Variants in LDLRAD4 observed in about 807,000 individuals in gnomAD.
The protein encoded by LDLRAD4 is low density lipoprotein receptor class A domain containing 4.
A neutral mutation model predicts 17.0 loss-of-function variants in LDLRAD4; 5 were observed. The observed-to-expected ratio is 0.29, with a 90% confidence interval of 0.15 to 0.62. The LOEUF is 0.62. Among genes scored for constraint, LDLRAD4 ranks in the 20% least tolerant of loss-of-function variants. The pLI is 0.84. For missense variants in LDLRAD4, 340 were observed against 424.7 expected (o/e 0.80, Z 1.75); for synonymous variants, 168 against 171.8 (o/e 0.98, Z 0.17).
Position 13,625,806 on chromosome 18 carries a change from CGCCCTCCTCCCCCCGCCAGA to C in LDLRAD4, c.336+4550_336+4569del, listed in dbSNP as rs773002898. On this transcript the variant is annotated intron_variant, in intron 4 of 5. Coordinates refer to ENST00000359446, the Ensembl canonical transcript of LDLRAD4. ...CCAGCACCCTCCTCCCCTCAGCCGG[CGCCCTCCTCCCCCCGCCAGA>C]GCCCTCCTCCCCCCACCAGAGCCCT... is the stretch of plus-strand genomic sequence containing the variant. 4.1e-3 allele frequency among the ~76,000 whole-genome samples: 478 copies of C among 116,446 alleles called. 4 individuals carry two copies. The highest frequency in any genetic ancestry group is 0.014 in the Middle Eastern group (3 of 218). The allele number at this position is 116,446 out of a possible 152,430, so 76.4% of individuals were successfully genotyped here.
chr18:13,271,437 G>A (rs1014987266), intron 1 of LDLRAD4, among the ~76,000 whole-genome samples: 6 of 152,168 alleles, frequency 3.9e-5, no homozygotes, highest in African/African-American at 1.2e-4. Context: ...GGCTTCCAGC[G>A]CACTTTCTGG....
intron 1 of LDLRAD4, among the ~76,000 whole-genome samples, chr18:13,328,628 A>C (rs1482402437): frequency 6.6e-6 from 1 of 152,230 alleles, no homozygotes; most frequent in Admixed American, 6.5e-5. Context: ...TTGAGCGTCA[A>C]CTTTGTATAA....
At chr18:13,528,978 C>T (rs928167276) in intron 3 of LDLRAD4, among the ~76,000 whole-genome samples, 2 of 152,238 alleles carry the variant, frequency 1.3e-5, no homozygotes, top group Non-Finnish European at 2.9e-5. Flanking sequence ...GATCCTCGGC[C>T]GTGGTTCTAG....
At chr18:13,345,237 T>C (rs2144191210) in intron 1 of LDLRAD4, among the ~76,000 whole-genome samples, 1 of 152,338 alleles carries the variant, frequency 6.6e-6, no homozygotes, top group South Asian at 2.1e-4. Flanking sequence ...ATAGCTCTTA[T>C]TATTTTGAGA....
intron 3 of LDLRAD4, among the ~76,000 whole-genome samples, chr18:13,582,864 C>T (rs1178160674): frequency 2.0e-5 from 3 of 152,172 alleles, no homozygotes; most frequent in Non-Finnish European, 4.4e-5. Context: ...AGGTGCATGC[C>T]GCTGTGCTGG....
intron 1 of LDLRAD4, among the ~76,000 whole-genome samples, chr18:13,348,275 A>T (rs1261294361): frequency 6.6e-6 from 1 of 152,066 alleles, no homozygotes. Context: ...TCTGTTTGTT[A>T]GTTTTCCTTC....
intron 3 of LDLRAD4, among the ~76,000 whole-genome samples, chr18:13,525,641 T>A (rs982917926): frequency 5.9e-5 from 9 of 152,350 alleles, no homozygotes; most frequent in Non-Finnish European, 1.3e-4. Context: ...AGGCCCAGCC[T>A]CACTGGGCTT....
In LDLRAD4 at chr18:13,334,045, T is replaced by A. The variant is rs376266623; in HGVS notation, c.-382-53296T>A. Among the ~76,000 whole-genome samples, 7 of 152,378 alleles carry A rather than the reference T, an allele frequency of 4.6e-5. No individual in the cohort carries two copies. The East Asian group carries it at 1.2e-3, about 25-fold the overall frequency. On this transcript the variant is annotated intron_variant, in intron 1 of 5. Coordinates refer to ENST00000359446, the Ensembl canonical transcript of LDLRAD4. The stretch of plus-strand genomic sequence containing the variant: ...TTCCTATCCATGGACATGGACCATC[T>A]GTCCATTTATGTAGTTCCTCTTTTA...
intron 3 of LDLRAD4, among the ~76,000 whole-genome samples, chr18:13,532,032 G>A (rs534970490): frequency 4.6e-5 from 7 of 152,284 alleles, no homozygotes; most frequent in Non-Finnish European, 1.0e-4. Context: ...CCTGCCTGGT[G>A]GTCATGTTAC....
chr18:13,652,347 T>TAA (rs1399334331), exon 6 of LDLRAD4: 2 of 152,266 alleles, frequency 1.3e-5, no homozygotes, highest in African/African-American at 2.4e-5. Context: ...TTGTCTAGTT[T>TAA]AAGGCTATTT....
chr18:13,228,517 A>G (rs2041919897), intron 1 of LDLRAD4, among the ~76,000 whole-genome samples: 1 of 152,014 alleles, frequency 6.6e-6, no homozygotes, highest in South Asian at 2.1e-4. Context: ...TGGGGACGGG[A>G]GGCCTTCTGG....
At chr18:13,347,123 G>A (rs1369054150) in intron 1 of LDLRAD4, among the ~76,000 whole-genome samples, 7 of 152,116 alleles carry the variant, frequency 4.6e-5, no homozygotes, top group African/African-American at 1.7e-4. Flanking sequence ...TATGATGTTA[G>A]CTGGTTATTT....
At chr18:13,577,721 A>G (rs1196167085) in intron 3 of LDLRAD4, among the ~76,000 whole-genome samples, 1 of 152,216 alleles carries the variant, frequency 6.6e-6, no homozygotes, top group Non-Finnish European at 1.5e-5. Context: ...TACCGGCTAC[A>G]TTATCGGTTG....
upstream of LDLRAD4, among the ~76,000 whole-genome samples, chr18:13,277,817 C>G (rs1174889903): frequency 1.3e-5 from 2 of 152,216 alleles, no homozygotes; most frequent in Non-Finnish European, 2.9e-5. Context: ...GAGGCCCGTG[C>G]CTCTGCAGGA....
chr18:13,473,591 C>A (rs961321708), intron 3 of LDLRAD4, among the ~76,000 whole-genome samples: 1 of 132,246 alleles, frequency 7.6e-6, no homozygotes, highest in Non-Finnish European at 1.6e-5. Flanking sequence ...GAGCTATGAT[C>A]GTGTCACTAC....
chr18:13,523,363 A>G (rs1683446720), intron 3 of LDLRAD4, among the ~76,000 whole-genome samples: 1 of 152,192 alleles, frequency 6.6e-6, no homozygotes. Context: ...GCCATGAAGA[A>G]ATGAGCCACA....
intron 3 of LDLRAD4, among the ~76,000 whole-genome samples, chr18:13,450,319 T>TCCCCCCCC (rs200656760): frequency 1.1e-4 from 5 of 45,532 alleles, no homozygotes; most frequent in African/African-American, 1.7e-4. Context: ...TTAGCTTCTC[T>TCCCCCCCC]CCCCCCACCC....
chr18:13,307,743 T>C (rs2046998178), intron 1 of LDLRAD4, among the ~76,000 whole-genome samples: 1 of 152,228 alleles, frequency 6.6e-6, no homozygotes, highest in Admixed American at 6.5e-5. Flanking sequence ...TAACATTTTC[T>C]TTTCTGTAGT....
In LDLRAD4 at chr18:13,538,309, G is replaced by A. The variant is rs575124797; in HGVS notation, c.182-82808G>A. Among the ~76,000 whole-genome samples, 5 of 152,314 alleles carry A rather than the reference G, an allele frequency of 3.3e-5. No individual in the cohort carries two copies. The South Asian group carries it at 1.0e-3, about 32-fold the overall frequency. ...TTTTATAACACAAGCACTTGAAGGT[G>A]TAGACATTCCTGTAAGCACCAATTT... On this transcript the variant is annotated intron_variant, in intron 3 of 5. Transcript: ENST00000359446.
Sources: allele counts gnomAD v4.1 joint callset (sites outside exome capture counted in the v4.1 genomes callset), GRCh38; gene constraint gnomAD v4.1.1; transcripts MANE v1.5; gene names NCBI Gene and HGNC (gene_info 2026-07-23, HGNC 2026-07-21).